SYNPO2: variants seen among roughly 807,000 people sequenced by gnomAD.
SYNPO2 encodes the protein synaptopodin 2.
A neutral mutation model predicts 85.0 loss-of-function variants in SYNPO2; 56 were observed. That is an observed-to-expected ratio of 0.66 (90% CI 0.53 to 0.82). The LOEUF (loss-of-function observed/expected upper bound fraction) is 0.82, where lower values mean the gene tolerates loss of function less well. Among genes scored for constraint, SYNPO2 ranks in the 40% least tolerant of loss-of-function variants. The probability of loss-of-function intolerance (pLI) is 0.00; values close to 1 mark genes in which losing one functional copy is unlikely to be tolerated. For missense variants in SYNPO2, 1,575 were observed against 1,534.2 expected, an observed-to-expected ratio of 1.03 and a Z score of -0.44; for synonymous variants, 602 against 591.1, an observed-to-expected ratio of 1.02 and a Z score of -0.27.
chr4:118,876,806 T>G (rs1731935494), intron 1 of SYNPO2, among the ~76,000 whole-genome samples: 1 of 151,310 alleles, frequency 6.6e-6, no homozygotes, highest in Non-Finnish European at 1.5e-5. Flanking sequence ...CTTCCTTCTT[T>G]TTGTTTGAGA....
intron 1 of SYNPO2, among the ~76,000 whole-genome samples, chr4:118,926,503 A>G (rs1042210660): frequency 1.3e-5 from 2 of 152,136 alleles, no homozygotes; most frequent in Non-Finnish European, 2.9e-5. Context: ...AAAAAGAATA[A>G]TAAAGGTGAT....
At chr4:119,053,437 TG>T (rs927844961) in intron 4 of SYNPO2, among the ~76,000 whole-genome samples, 7 of 152,244 alleles carry the variant, frequency 4.6e-5, no homozygotes, top group African/African-American at 1.7e-4. Context: ...TTCGTCAGTC[TG>T]GGGAAATGTA....
chr4:118,868,305 C>T (rs575686190), intron 1 of SYNPO2, among the ~76,000 whole-genome samples: 87 of 152,088 alleles, frequency 5.7e-4, no homozygotes, highest in Non-Finnish European at 1.0e-3. Flanking sequence ...TAAGAAACAA[C>T]GTATCTCACA....
intron 4 of SYNPO2, among the ~76,000 whole-genome samples, chr4:119,046,072 T>A (rs1738860041): frequency 6.6e-6 from 1 of 152,204 alleles, no homozygotes; most frequent in Non-Finnish European, 1.5e-5. Context: ...TTACCTAATT[T>A]ACATGCCTCA....
intron 1 of SYNPO2, among the ~76,000 whole-genome samples, chr4:118,917,627 G>A (rs1021046448): frequency 6.7e-6 from 1 of 148,194 alleles, no homozygotes; most frequent in Non-Finnish European, 1.5e-5. Flanking sequence ...AAACCAAAAC[G>A]TGGTTTCATG....
intron 1 of SYNPO2, among the ~76,000 whole-genome samples, chr4:118,965,190 T>C (rs1735264889): frequency 6.6e-6 from 1 of 152,104 alleles, no homozygotes; most frequent in South Asian, 2.1e-4. Context: ...TTGCAAAAAC[T>C]TGAACTGAGA....
intron 1 of SYNPO2, among the ~76,000 whole-genome samples, chr4:118,947,311 A>C (rs1734542610): frequency 6.6e-6 from 1 of 152,228 alleles, no homozygotes; most frequent in Non-Finnish European, 1.5e-5. Context: ...GCAATGAGAC[A>C]CGTAATGTGG....
At chr4:118,888,775 A>T, upstream of SYNPO2, 1 of 494,996 alleles carries the variant, frequency 2.0e-6, no homozygotes, top group Non-Finnish European at 3.6e-6. Flanking sequence ...TGGGCCGAGC[A>T]AAGGAGAGTG....
At chr4:118,929,166 AGGAAAGGATGGAG>A (rs1337753684) in intron 1 of SYNPO2, among the ~76,000 whole-genome samples, 2 of 152,094 alleles carry the variant, frequency 1.3e-5, no homozygotes, top group African/African-American at 4.8e-5. Context: ...AATGGGAAAA[AGGAAAGGATGGAG>A]GGAAAGAGAG....
chr4:118,941,796 A>C (rs1734320792), intron 1 of SYNPO2, among the ~76,000 whole-genome samples: 1 of 152,232 alleles, frequency 6.6e-6, no homozygotes, highest in Non-Finnish European at 1.5e-5. Flanking sequence ...TATGCAGACC[A>C]CACGGGGAAA....
chr4:118,987,529 G>A (rs1049161042), intron 1 of SYNPO2, among the ~76,000 whole-genome samples: 2 of 152,034 alleles, frequency 1.3e-5, no homozygotes, highest in African/African-American at 2.4e-5. Flanking sequence ...CCTGGGTGTG[G>A]TGGTGAGTGC....
At chr4:118,892,889 T>C (rs986652236) in intron 1 of SYNPO2, among the ~76,000 whole-genome samples, 7 of 152,238 alleles carry the variant, frequency 4.6e-5, no homozygotes, top group African/African-American at 1.4e-4. Context: ...TGGATATGTG[T>C]TCTTTAAGAT....
chr4:118,919,145 A>G (rs1333316001), intron 1 of SYNPO2, among the ~76,000 whole-genome samples: 1 of 152,210 alleles, frequency 6.6e-6, no homozygotes, highest in African/African-American at 2.4e-5. Flanking sequence ...ATATTTAATC[A>G]AAAAGGCTTG....
intron 4 of SYNPO2, among the ~76,000 whole-genome samples, chr4:119,051,751 T>C (rs1251385775): frequency 6.6e-6 from 1 of 152,158 alleles, no homozygotes; most frequent in South Asian, 2.1e-4. Flanking sequence ...GAAAATGAGA[T>C]GACAGGATGT....
In SYNPO2 at chr4:118,896,119, C is replaced by T. The variant is rs1003982980; in HGVS notation, c.105+6978C>T. Among the ~76,000 whole-genome samples, 106 of 152,184 alleles carry T rather than the reference C, an allele frequency of 7.0e-4. 1 individual carries two copies. Among genetic ancestry groups the T allele is most frequent in the South Asian group, 4.1e-4 (2 of 4,834 alleles). On this transcript the variant is annotated intron_variant, in intron 1 of 4. Transcript: ENST00000307142. ...TTAGGGGCATCAAGCTACTCCCCTG[C>T]GTCAGCCTGGATAAAAAGAACAGGC... is the stretch of plus-strand genomic sequence containing the variant.
In SYNPO2 at chr4:119,031,247, G is replaced by A; in HGVS notation, c.2472G>A (p.Val824=). The A allele has an allele frequency of 1.9e-6, 3 of 1,614,128 alleles. No homozygotes were observed. Among genetic ancestry groups the A allele is most frequent in the Non-Finnish European group, 2.5e-6 (3 of 1,180,028 alleles). Residue 824 remains valine (V), a synonymous_variant, in exon 4 of 5, where the codon GTG becomes GTA. Coordinates refer to ENST00000307142, the MANE Select transcript of SYNPO2 (RefSeq NM_133477.3). ...CCCGGCCTGCAAGTACTTTGAACGT[G>A]GCTGGTCCCTTCAAAGGACCACAAG... ...PPARPASTLN[V]AGPFKGPQAA...
At chr4:119,004,816 T>G (rs554241365) in intron 1 of SYNPO2, among the ~76,000 whole-genome samples, 4 of 151,974 alleles carry the variant, frequency 2.6e-5, no homozygotes, top group African/African-American at 7.3e-5. Flanking sequence ...ACTTCCACAA[T>G]GATTGAACTA....
intron 1 of SYNPO2, among the ~76,000 whole-genome samples, chr4:118,876,165 G>C (rs1286391110): frequency 1.3e-5 from 2 of 152,292 alleles, no homozygotes; most frequent in East Asian, 3.9e-4. Context: ...AAGAGGCTCA[G>C]CTTCGTCAAC....
intron 1 of SYNPO2, among the ~76,000 whole-genome samples, chr4:118,908,562 G>A (rs998667113): frequency 6.6e-6 from 1 of 152,096 alleles, no homozygotes; most frequent in Non-Finnish European, 1.5e-5. Flanking sequence ...GCAATGGGCA[G>A]GAAGGTATTA....
Sources: allele counts gnomAD v4.1 joint callset (sites outside exome capture counted in the v4.1 genomes callset), GRCh38; gene constraint gnomAD v4.1.1; transcripts MANE v1.5; gene names NCBI Gene and HGNC (gene_info 2026-07-23, HGNC 2026-07-21).